Variants in KIRREL3 observed in about 807,000 individuals in gnomAD.
KIRREL3 encodes kin of IRRE-like protein 3.
In KIRREL3, 36 loss-of-function variants were observed where a neutral mutation model predicts 89.7. That is an observed-to-expected ratio of 0.40 (90% CI 0.31 to 0.53). The LOEUF (loss-of-function observed/expected upper bound fraction) is 0.53, where lower values mean the gene tolerates loss of function less well. Among genes scored for constraint, KIRREL3 ranks in the 20% least tolerant of loss-of-function variants. KIRREL3 has a pLI of 0.49. For synonymous variants in KIRREL3, 445 were observed against 441.4 expected (o/e 1.01, Z -0.10); for missense variants, 864 against 1,056.6 (o/e 0.82, Z 2.53).
chr11:126,834,405 T>C (rs1444079760), intron 1 of KIRREL3, among the ~76,000 whole-genome samples: 1 of 152,250 alleles, frequency 6.6e-6, no homozygotes, highest in Non-Finnish European at 1.5e-5. Context: ...GAGAAAAGCC[T>C]GACTCACAGA....
At chr11:126,745,900 T>A (rs938184887) in intron 1 of KIRREL3, among the ~76,000 whole-genome samples, 6 of 152,210 alleles carry the variant, frequency 3.9e-5, no homozygotes, top group Admixed American at 3.3e-4. Context: ...CCTCCCTGCC[T>A]TACTCCTGAA....
intron 1 of KIRREL3, among the ~76,000 whole-genome samples, chr11:126,967,343 G>C (rs540718010): frequency 6.6e-6 from 1 of 152,238 alleles, no homozygotes; most frequent in South Asian, 2.1e-4. Context: ...TAGAGAACAG[G>C]AGAGCACCGT....
chr11:126,774,205 A>C (rs1369876338), intron 1 of KIRREL3, among the ~76,000 whole-genome samples: 1 of 148,880 alleles, frequency 6.7e-6, no homozygotes, highest in South Asian at 2.2e-4. Context: ...TTGGGATAGG[A>C]AGTAGAGAAG....
intron 1 of KIRREL3, among the ~76,000 whole-genome samples, chr11:126,631,205 A>G (rs1403456488): frequency 6.6e-6 from 1 of 152,114 alleles, no homozygotes; most frequent in Admixed American, 6.5e-5. Context: ...CAGCTTGCAA[A>G]TATCATCTGA....
At position 126,557,200 on chromosome 11, in the gene KIRREL3, C is replaced by T. The variant is rs985545483; in HGVS notation, c.133+5635G>A. 6.6e-6 allele frequency among the ~76,000 whole-genome samples: 1 copy of T among 152,192 alleles called. No individual in the cohort carries two copies. The highest frequency in any genetic ancestry group is 2.1e-4 in the South Asian group (1 of 4,824). On this transcript the variant is annotated intron_variant, in intron 2 of 16. Transcript: ENST00000525144. This position sits in a 1 kb window ranked among gnomAD's most constrained non-coding sequence, Gnocchi z 5.6. ...CTGCCCTGAGAAAAGCACAGCTCAT[C>T]CCACAGGCCTGCCCGACTCTTTCCC...
In KIRREL3 at chr11:126,990,555, C is replaced by G. The variant is rs1730613243; in HGVS notation, c.55+9900G>C. Among the ~76,000 whole-genome samples the G allele has an allele frequency of 6.6e-6, 1 of 152,232 alleles. No individual in the cohort carries two copies. The highest frequency in any genetic ancestry group is 2.1e-4 in the South Asian group (1 of 4,826). On this transcript the variant is annotated intron_variant, in intron 1 of 16. Coordinates refer to ENST00000525144, the MANE Select transcript of KIRREL3 (RefSeq NM_032531.4). The surrounding 1 kb of genome is among the most constrained non-coding windows in gnomAD (Gnocchi z 6.3). ...GGCTTTGCAAGCGCTGCTGCTGCCA[C>G]CATCAGGCTGACTGAGGCACTGCAG...
intron 10 of KIRREL3, among the ~76,000 whole-genome samples, chr11:126,444,398 C>T (rs1029472766): frequency 2.6e-5 from 4 of 152,060 alleles, no homozygotes; most frequent in Non-Finnish European, 5.9e-5. Flanking sequence ...TTTGGGAGGC[C>T]GAGGCAGGTG....
At chr11:126,589,067 G>C (rs76361793) in intron 1 of KIRREL3, among the ~76,000 whole-genome samples, 1 of 151,996 alleles carries the variant, frequency 6.6e-6, no homozygotes, top group Non-Finnish European at 1.5e-5. Flanking sequence ...TGCCTCTCCC[G>C]GTCCCTTCCA....
rs7105376 is a variant in KIRREL3 at position 126,978,707 on chromosome 11, C to A, written c.55+21748G>T. On this transcript the variant is annotated intron_variant, in intron 1 of 16. Transcript: ENST00000525144. This position sits in a 1 kb window ranked among gnomAD's most constrained non-coding sequence, Gnocchi z 4.2. ...ATTTTCTTAGCTAATGTCCACTCTG[C>A]CCTGGAGCTTTGCTTCATGGTGGGA... 6.6e-6 allele frequency among the ~76,000 whole-genome samples: 1 copy of A among 152,116 alleles called. No individual in the cohort carries two copies. Among genetic ancestry groups the A allele is most frequent in the East Asian group, 1.9e-4 (1 of 5,186 alleles).
In KIRREL3 at chr11:126,764,572, G is replaced by A. The variant is rs761826652; in HGVS notation, c.56-201660C>T. ...TGAGGTTCCTGGCAGCTCTTACTGCGCCAGTAACAACTGGATCTCAATCCC... is the reference window on the plus strand; with the variant it reads ...TGAGGTTCCTGGCAGCTCTTACTGCACCAGTAACAACTGGATCTCAATCCC... On this transcript the variant is annotated intron_variant, in intron 1 of 16. Transcript: ENST00000525144. This position sits in a 1 kb window ranked among gnomAD's most constrained non-coding sequence, Gnocchi z 4.2. Among the ~76,000 whole-genome samples, 11 of 152,130 alleles carry A rather than the reference G, an allele frequency of 7.2e-5. No homozygotes were observed. Among genetic ancestry groups the A allele is most frequent in the African/African-American group, 4.8e-5 (2 of 41,432 alleles).
chr11:126,425,740 G>A lies in KIRREL3; in HGVS notation c.1807-16C>T. The A allele has an allele frequency of 1.3e-6, 2 of 1,582,290 alleles. No homozygotes were observed. The highest frequency in any genetic ancestry group is 1.7e-6 in the Non-Finnish European group (2 of 1,162,442). ...CCCGGTCCATCTGCAACCCAAAAAAGGCTGCTCAGTAGATAGGAGGTGGCT... is the reference window on the plus strand; with the variant it reads ...CCCGGTCCATCTGCAACCCAAAAAAAGCTGCTCAGTAGATAGGAGGTGGCT... On this transcript the variant is annotated splice_polypyrimidine_tract_variant and intron_variant, in intron 15 of 16. Transcript: ENST00000525144.
chr11:126,642,575 G>T lies in KIRREL3; in HGVS notation c.56-79663C>A, dbSNP rs1167454703. The stretch of plus-strand genomic sequence containing the variant: ...GGAAATACATGTTTGATTTTCTTGG[G>T]TGACCACCATCTCCAAGAGAACCTC... On this transcript the variant is annotated intron_variant, in intron 1 of 16. Transcript: ENST00000525144. This position sits in a 1 kb window ranked among gnomAD's most constrained non-coding sequence, Gnocchi z 4.9. Among the ~76,000 whole-genome samples, 1 of 152,144 alleles carries T rather than the reference G, an allele frequency of 6.6e-6. No homozygotes were observed. The highest frequency in any genetic ancestry group is 1.5e-5 in the Non-Finnish European group (1 of 68,034).
Position 126,996,559 on chromosome 11 carries a change from C to T in KIRREL3, c.55+3896G>A, listed in dbSNP as rs1239196883. Among the ~76,000 whole-genome samples the T allele has an allele frequency of 6.6e-6, 1 of 152,160 alleles. No homozygotes were observed. Among genetic ancestry groups the T allele is most frequent in the East Asian group, 1.9e-4 (1 of 5,180 alleles). On this transcript the variant is annotated intron_variant, in intron 1 of 16. Coordinates refer to ENST00000525144, the MANE Select transcript of KIRREL3 (RefSeq NM_032531.4). This position sits in a 1 kb window ranked among gnomAD's most constrained non-coding sequence, Gnocchi z 4.7. ...TTCTTGTCATCTCCATGGCTCCCTT[C>T]ACCCTGGCTGGCTCCCTCTGTTCAC...
In KIRREL3 at chr11:126,734,616, T is replaced by A. The variant is rs3928912; in HGVS notation, c.56-171704A>T. Among the ~76,000 whole-genome samples the A allele has an allele frequency of 0.42, 63,221 of 151,608 alleles. 14,642 individuals are homozygous for A. The highest frequency in any genetic ancestry group is 0.89 in the East Asian group (4,575 of 5,162). On this transcript the variant is annotated intron_variant, in intron 1 of 16. Transcript: ENST00000525144. The surrounding 1 kb of genome is among the most constrained non-coding windows in gnomAD (Gnocchi z 5.9). Reference sequence around the variant, plus strand: ...AAGCGGAGGTTGCAGTGAGCCGAGATGTCATTGCACTCCAGCCTGGGCAAC... The same window carrying A: ...AAGCGGAGGTTGCAGTGAGCCGAGAAGTCATTGCACTCCAGCCTGGGCAAC...
At position 126,955,698 on chromosome 11, in the gene KIRREL3, A is replaced by T. The variant is rs922756631; in HGVS notation, c.55+44757T>A. Among the ~76,000 whole-genome samples the T allele has an allele frequency of 6.6e-6, 1 of 152,214 alleles. No homozygotes were observed. The highest frequency in any genetic ancestry group is 2.4e-5 in the African/African-American group (1 of 41,446). Reference sequence around the variant, plus strand: ...CACAGTGTGTGAACTGAAGAACTACATTTATACCAAAGGCTTGAGCTAGGT... The same window carrying T: ...CACAGTGTGTGAACTGAAGAACTACTTTTATACCAAAGGCTTGAGCTAGGT... On this transcript the variant is annotated intron_variant, in intron 1 of 16. Transcript: ENST00000525144. The surrounding 1 kb of genome is among the most constrained non-coding windows in gnomAD (Gnocchi z 4.6).
At chr11:126,646,405 G>C (rs1242085031) in intron 1 of KIRREL3, among the ~76,000 whole-genome samples, 1 of 151,050 alleles carries the variant, frequency 6.6e-6, no homozygotes, top group African/African-American at 2.4e-5. Context: ...AAATCCAATT[G>C]ATTTAAAACT....
Position 126,446,638 on chromosome 11 carries a change from C to T in KIRREL3, c.1125+121G>A, listed in dbSNP as rs1955825799. On this transcript the variant is annotated intron_variant, in intron 9 of 16. Transcript: ENST00000525144. ...CTTTCTGGGATCTTTCTCCCTGTGG[C>T]TTACACTGGAGGCTGACTCCCCCAG... 3 of 1,140,212 alleles carry T rather than the reference C, an allele frequency of 2.6e-6. No homozygotes were observed. In the South Asian group the frequency reaches 4.8e-5, roughly 18 times the overall value. The allele number at this position is 1,140,212 out of a possible 1,614,324, so 70.6% of individuals were successfully genotyped here. A position where few individuals can be genotyped will look rare whatever the true frequency, so the allele number is the denominator to read the frequency against.
rs989746124 is a variant in KIRREL3, at chr11:126,574,669, G to A, written c.56-11757C>T. 6.6e-6 allele frequency among the ~76,000 whole-genome samples: 1 copy of A among 152,166 alleles called. No individual in the cohort carries two copies. The highest frequency in any genetic ancestry group is 1.5e-5 in the Non-Finnish European group (1 of 68,036). ...GCAAAGGACGAGGGTGGCTGGGATA[G>A]TGTGTGCTTACATGTGTGCACGCAT... On this transcript the variant is annotated intron_variant, in intron 1 of 16. Coordinates refer to ENST00000525144, the MANE Select transcript of KIRREL3 (RefSeq NM_032531.4). This position sits in a 1 kb window ranked among gnomAD's most constrained non-coding sequence, Gnocchi z 5.3.
At position 126,923,445 on chromosome 11, in the gene KIRREL3, CTT is replaced by C. The variant is rs35440461; in HGVS notation, c.55+77008_55+77009del. ...TCTTCCTCTTCCTCTTCTTCTCCTT[CTT>C]TTTTTTTTTTTTTTGAGACAGAGTC... is the stretch of plus-strand genomic sequence containing the variant. On this transcript the variant is annotated intron_variant, in intron 1 of 16. Coordinates refer to ENST00000525144, the MANE Select transcript of KIRREL3 (RefSeq NM_032531.4). Among the ~76,000 whole-genome samples, 866 of 95,274 alleles carry C rather than the reference CTT, an allele frequency of 9.1e-3. 11 individuals are homozygous for C. Among genetic ancestry groups the C allele is most frequent in the African/African-American group, 0.025 (581 of 23,028 alleles). The allele number at this position is 95,274 out of a possible 152,430, so 62.5% of individuals were successfully genotyped here.
Sources: allele counts gnomAD v4.1 joint callset (sites outside exome capture counted in the v4.1 genomes callset), GRCh38; gene constraint gnomAD v4.1.1; non-coding constraint Gnocchi (gnomAD v3.1); transcripts MANE v1.5; gene names NCBI Gene and HGNC (gene_info 2026-07-23, HGNC 2026-07-21).